ZYG11A: variants seen among roughly 807,000 people sequenced by gnomAD.
The protein encoded by ZYG11A is zyg-11 family member A, cell cycle regulator, also known as protein zyg-11 homolog A.
In ZYG11A, 62 loss-of-function variants were observed where a neutral mutation model predicts 77.2. That is an observed-to-expected ratio of 0.80 (90% CI 0.65 to 0.99). The LOEUF is 0.99. ZYG11A is among the 50% of genes least tolerant of loss of function. The pLI is 0.00. For missense variants in ZYG11A, 828 were observed against 896.8 expected, an observed-to-expected ratio of 0.92 and a Z score of 0.98; for synonymous variants, 315 against 324.6, an observed-to-expected ratio of 0.97 and a Z score of 0.32.
chr1:52,856,949 A>G, intron 2 of ZYG11A, 49 bp from the exon 3 acceptor site: 2 of 1,465,450 alleles, frequency 1.4e-6, no homozygotes, highest in South Asian at 2.9e-5. Context: ...TATCCTGGAA[A>G]GACATGAGAT....
chr1:52,857,258 A>G lies in ZYG11A; in HGVS notation c.517A>G (p.Arg173Gly), dbSNP rs1386690336. The G allele has an allele frequency of 1.2e-5, 19 of 1,552,064 alleles. No homozygotes were observed. The South Asian group carries it at 1.7e-4, about 14-fold the overall frequency. Reference protein sequence around the residue: ...LDSTSIPQNSRLLFFSQLTGL... With the variant: ...LDSTSIPQNSGLLFFSQLTGL... ...CTCGACAAGCATCCCTCAAAATTCA[A>G]GATTACTGTTCTTTAGTCAGCTCAC... Residue 173 changes from arginine to glycine, a missense_variant, in exon 3 of 14, where the codon AGA becomes GGA. Transcript: ENST00000371528.
rs1050722527 is a variant in ZYG11A at position 52,842,800 on chromosome 1, G to C, written c.-84G>C. ...CTCGCAGGCGTGGTGGGCGCGTCCT[G>C]GCAGCCGCCCGCTTGGTTCTCGCGG... On this transcript the variant is annotated 5_prime_UTR_variant, in exon 1 of 14. Transcript: ENST00000371528. 8.9e-6 allele frequency: 12 copies of C among 1,353,644 alleles called. No homozygotes were observed. Among genetic ancestry groups the C allele is most frequent in the Non-Finnish European group, 1.2e-5 (12 of 993,528 alleles). 83.9% of individuals were successfully genotyped at this position (1,353,644 alleles called of 1,614,324 possible).
intron 1 of ZYG11A, among the ~76,000 whole-genome samples, chr1:52,847,665 C>CT: frequency 6.8e-6 from 1 of 147,492 alleles, no homozygotes; most frequent in South Asian, 2.1e-4. Context: ...CTGTACTGTA[C>CT]TTTGTTTTTT....
Position 52,857,032 on chromosome 1 carries a change from A to G in ZYG11A, c.291A>G (p.Arg97=). Reference sequence around the variant, plus strand: ...CTGACAGAACAGCCAGCATTTTCCGAGGCAACCAAATGAAACTGAAGCTGG... The same window carrying G: ...CTGACAGAACAGCCAGCATTTTCCGGGGCAACCAAATGAAACTGAAGCTGG... ...KLTDRTASIF[R]GNQMKLKLVN... Residue 97 remains arginine (R), a synonymous_variant, in exon 3 of 14, where the codon CGA becomes CGG. Coordinates refer to ENST00000371528, the MANE Select transcript of ZYG11A (RefSeq NM_001004339.3). 1.3e-6 allele frequency: 2 copies of G among 1,545,486 alleles called. No homozygotes were observed. Among genetic ancestry groups the G allele is most frequent in the Non-Finnish European group, 1.8e-6 (2 of 1,142,520 alleles).
Position 52,842,878 on chromosome 1 carries a change from G to A in ZYG11A, c.-6G>A, listed in dbSNP as rs755054217. 107 of 1,530,276 alleles carry A rather than the reference G, an allele frequency of 7.0e-5. No homozygotes were observed. Among genetic ancestry groups the A allele is most frequent in the African/African-American group, 2.8e-5 (2 of 70,326 alleles). 94.8% of individuals were successfully genotyped at this position (1,530,276 alleles called of 1,614,324 possible). A position where few individuals can be genotyped will look rare whatever the true frequency, so the allele number is the denominator to read the frequency against. On this transcript the variant is annotated 5_prime_UTR_variant, in exon 1 of 14. Transcript: ENST00000371528. ...CTCTTTTTGACGCCCCGCCGCCGGG[G>A]TTGCCATGGTTCATTTCTTGCACCC...
chr1:52,858,909 T>G (rs1645869569), intron 3 of ZYG11A, among the ~76,000 whole-genome samples: 1 of 152,130 alleles, frequency 6.6e-6, no homozygotes, highest in Non-Finnish European at 1.5e-5. Context: ...GCCACCATGC[T>G]TGGCCCAGAG....
chr1:52,846,310 T>TATATATATATATA (rs1645577708), intron 1 of ZYG11A, among the ~76,000 whole-genome samples: 1 of 35,822 alleles, frequency 2.8e-5, no homozygotes, highest in African/African-American at 8.7e-5. Flanking sequence ...TTTTAAATTT[T>TATATATATATATA]TATATATATA....
intron 4 of ZYG11A, among the ~76,000 whole-genome samples, chr1:52,862,705 AAT>A (rs1218193635): frequency 6.6e-6 from 1 of 152,208 alleles, no homozygotes; most frequent in Non-Finnish European, 1.5e-5. Flanking sequence ...AAAAAAATAA[AAT>A]AAATTAAAAA....
rs1400409031 is a variant in ZYG11A, at chr1:52,894,961, G to A, written c.*2004G>A. On this transcript the variant is annotated 3_prime_UTR_variant, in exon 14 of 14. Transcript: ENST00000371528. The stretch of plus-strand genomic sequence containing the variant: ...TCATTCACAACAATCCTCACGGGTA[G>A]GTGAGTTTTATTTTCCTCACTTAAC... 6.6e-6 allele frequency: 1 copy of A among 152,166 alleles called. No individual in the cohort carries two copies. Among genetic ancestry groups the A allele is most frequent in the Non-Finnish European group, 1.5e-5 (1 of 68,038 alleles). The allele number at this position is 152,166 out of a possible 1,614,324, so 9.4% of individuals were successfully genotyped here.
At chr1:52,883,056 T>A (rs1646387456) in intron 11 of ZYG11A, among the ~76,000 whole-genome samples, 1 of 152,062 alleles carries the variant, frequency 6.6e-6, no homozygotes, top group Non-Finnish European at 1.5e-5. Context: ...TGTTTTTGTT[T>A]CATAGTTCTA....
At chr1:52,874,236 T>C (rs1646222022) in intron 8 of ZYG11A, among the ~76,000 whole-genome samples, 1 of 108,152 alleles carries the variant, frequency 9.2e-6, no homozygotes, top group African/African-American at 3.2e-5. Context: ...TAGCTCTCTC[T>C]CTCTATATAT....
In ZYG11A at chr1:52,881,608, TG is replaced by T; in HGVS notation, c.1888del (p.Asp630ThrfsTer33). The T allele has an allele frequency of 1.3e-6, 2 of 1,552,402 alleles. No individual in the cohort carries two copies. The highest frequency in any genetic ancestry group is 1.7e-6 in the Non-Finnish European group (2 of 1,147,148). Reference protein sequence around the residue: ...AAGIIAHLTSDRQLWISRDFQ... With the variant: ...AAGIIAHLTSXRQLWISRDFQ... ...CAGGTATCATAGCCCACCTGACATC[TG>T]ACAGACAGCTTTGGATATCCCGTGA... On this transcript the variant is annotated frameshift_variant, in exon 11 of 14. Transcript: ENST00000371528. LOFTEE classifies it high-confidence loss of function.
chr1:52,851,842 C>T lies in ZYG11A; in HGVS notation c.91-2623C>T, dbSNP rs544095314. 2.0e-4 allele frequency among the ~76,000 whole-genome samples: 30 copies of T among 150,434 alleles called. 1 individual carries two copies. In the South Asian group the frequency reaches 6.0e-3, roughly 30 times the overall value. The stretch of plus-strand genomic sequence containing the variant: ...AGCTCACTGCAACCTCCACCTCCCT[C>T]GTTCAAGTGATTCTGCTGCCTCAGC... On this transcript the variant is annotated intron_variant, in intron 1 of 13. Transcript: ENST00000371528.
intron 11 of ZYG11A, among the ~76,000 whole-genome samples, chr1:52,885,302 G>A (rs1646429690): frequency 1.4e-5 from 1 of 73,408 alleles, no homozygotes; most frequent in Non-Finnish European, 2.5e-5. Context: ...CTTCAAATTG[G>A]TTTGTGTTTT....
At chr1:52,846,186 C>T (rs1264491707) in intron 1 of ZYG11A, among the ~76,000 whole-genome samples, 1 of 151,156 alleles carries the variant, frequency 6.6e-6, no homozygotes, top group African/African-American at 2.4e-5. Flanking sequence ...ACCCCAGGAC[C>T]TCCAGAATCC....
intron 8 of ZYG11A, among the ~76,000 whole-genome samples, chr1:52,870,482 C>G (rs1160968840): frequency 4.6e-5 from 7 of 152,228 alleles, no homozygotes; most frequent in African/African-American, 9.6e-5. Context: ...AGGCTGCAAT[C>G]TCGGCACTTT....
chr1:52,860,554 C>T (rs774955265), intron 3 of ZYG11A, among the ~76,000 whole-genome samples, 177 bp from the exon 4 acceptor site: 2 of 152,208 alleles, frequency 1.3e-5, no homozygotes, highest in African/African-American at 4.8e-5. Flanking sequence ...GCCTCAGCCT[C>T]ACAAAGTGCT....
intron 1 of ZYG11A, among the ~76,000 whole-genome samples, chr1:52,853,748 C>G (rs1316824945): frequency 3.3e-5 from 5 of 151,826 alleles, no homozygotes; most frequent in African/African-American, 9.7e-5. Context: ...CTATAATAAA[C>G]CTACAAAAAA....
At position 52,893,764 on chromosome 1, in the gene ZYG11A, CAAAT is replaced by C. The variant is rs1646582571; in HGVS notation, c.*808_*811del. 1.4e-5 allele frequency: 2 copies of C among 144,828 alleles called. No homozygotes were observed. Among genetic ancestry groups the C allele is most frequent in the Non-Finnish European group, 3.0e-5 (2 of 66,342 alleles). The allele number at this position is 144,828 out of a possible 1,614,324, so 9.0% of individuals were successfully genotyped here. On this transcript the variant is annotated 3_prime_UTR_variant, in exon 14 of 14. Coordinates refer to ENST00000371528, the MANE Select transcript of ZYG11A (RefSeq NM_001004339.3). The stretch of plus-strand genomic sequence containing the variant: ...TGGATGACAGAGTGAGACCTCATCT[CAAAT>C]GAATAGAGGGGTGGAGAAAAGAGAA...
Sources: gnomAD v4.1 joint callset for allele counts (sites outside exome capture counted in the v4.1 genomes callset) on GRCh38, gnomAD v4.1.1 for gene constraint, MANE v1.5 for transcripts, NCBI Gene and HGNC (gene_info 2026-07-23, HGNC 2026-07-21) for gene names.